Variants in SNAI3 observed in about 807,000 individuals in gnomAD.
SNAI3 encodes zinc finger protein SNAI3.
Under a neutral mutation model 16.4 loss-of-function variants are expected in SNAI3, and 21 were observed. The ratio of observed to expected loss-of-function variants is 1.28; its 90% CI spans 0.91 to 1.85. SNAI3 has a LOEUF of 1.85. Among genes scored for constraint, SNAI3 ranks in the 40% most tolerant of loss-of-function variants. The probability of loss-of-function intolerance (pLI) is 0.00; values close to 1 mark genes in which losing one functional copy is unlikely to be tolerated. For missense variants in SNAI3, 457 were observed against 372.8 expected (o/e 1.23, Z -1.86); for synonymous variants, 202 against 166.6 (o/e 1.21, Z -1.64).
chr16:88,682,804 C>T (rs1271115856), intron 1 of SNAI3, among the ~76,000 whole-genome samples: 2 of 74,790 alleles, frequency 2.7e-5, no homozygotes, highest in Non-Finnish European at 5.6e-5. Flanking sequence ...GAGACGGAGT[C>T]TCGCTCTGTT....
At position 88,681,623 on chromosome 16, in the gene SNAI3, G is replaced by A. The variant is rs755346556; in HGVS notation, c.168C>T (p.Pro56=). 1 of 1,485,222 alleles carries A rather than the reference G, an allele frequency of 6.7e-7. No homozygotes were observed. The allele number at this position is 1,485,222 out of a possible 1,614,324, so 92.0% of individuals were successfully genotyped here. Residue 56 remains proline, a synonymous_variant, in exon 2 of 3, where the codon CCC becomes CCT. Transcript: ENST00000332281. This position sits in a 1 kb window ranked among gnomAD's most constrained non-coding sequence, Gnocchi z 5.4. ...KEAPSVPGDL[P]QPWDRSSAVA... is the part of the protein sequence containing the mutation. ...CGGCCGAGGAGCGGTCCCAGGGCTG[G>A]GGAAGGTCACCGGGCACAGAAGGGG...
rs867872626 is a variant in SNAI3 at position 88,681,013 on chromosome 16, C to T, written c.697+81G>A. The T allele has an allele frequency of 3.8e-5, 58 of 1,531,788 alleles. No homozygotes were observed. In the Middle Eastern group the frequency reaches 7.3e-4, roughly 19 times the overall value. 94.9% of individuals were successfully genotyped at this position (1,531,788 alleles called of 1,614,324 possible). A position where few individuals can be genotyped will look rare whatever the true frequency, so the allele number is the denominator to read the frequency against. ...GCCCATGCTATTGTTTATAAAATCA[C>T]CCCTCCTCCTTTTCTAACTCCCGCA... is the stretch of plus-strand genomic sequence containing the variant. On this transcript the variant is annotated intron_variant, in intron 2 of 2. Transcript: ENST00000332281. This position sits in a 1 kb window ranked among gnomAD's most constrained non-coding sequence, Gnocchi z 5.4.
In SNAI3 at chr16:88,686,487, C is replaced by T. The variant is rs548220666; in HGVS notation, c.-81G>A. On this transcript the variant is annotated 5_prime_UTR_variant, in exon 1 of 3. Transcript: ENST00000332281. ...GTCCGGACTGCTGCGTCCGCCGGCG[C>T]TTGAAGGGGTCAGGCTCATTAGCAT... is the stretch of plus-strand genomic sequence containing the variant. The T allele has an allele frequency of 1.9e-6, 3 of 1,560,470 alleles. No homozygotes were observed. The highest frequency in any genetic ancestry group is 1.4e-5 in the African/African-American group (1 of 73,464).
chr16:88,683,692 G>T (rs543222637), intron 1 of SNAI3, among the ~76,000 whole-genome samples: 23 of 152,070 alleles, frequency 1.5e-4, no homozygotes, highest in African/African-American at 5.3e-4. Context: ...TGATAGCTGG[G>T]ATTACAGACA....
rs147688628 is a variant in SNAI3 at position 88,678,485 on chromosome 16, G to A, written c.842C>T (p.Ala281Val). ...TKTFSRMSLL[A>V]RHEESGCCPG... ...GCAGCAGCCAGACTCCTCATGCCGC[G>A]CCAGGAGGGACATGCGGGAGAAGGT... is the stretch of plus-strand genomic sequence containing the variant. Residue 281 changes from alanine (A) to valine (V), a missense_variant, in exon 3 of 3, where the codon GCG (alanine) becomes GTG (valine). Transcript: ENST00000332281. 33 of 779,600 alleles carry A rather than the reference G, an allele frequency of 4.2e-5. 1 individual carries two copies. The highest frequency in any genetic ancestry group is 3.6e-4 in the South Asian group (27 of 74,658). 48.3% of individuals were successfully genotyped at this position (779,600 alleles called of 1,614,324 possible).
At position 88,678,181 on chromosome 16, in the gene SNAI3, AC is replaced by A; in HGVS notation, c.*266del. The A allele has an allele frequency of 2.5e-6, 1 of 392,462 alleles. No homozygotes were observed. The highest frequency in any genetic ancestry group is 4.6e-6 in the Non-Finnish European group (1 of 217,064). 24.3% of individuals were successfully genotyped at this position (392,462 alleles called of 1,614,324 possible). ...GGAGACCTGGCCGTGTCGAAATGGA[AC>A]CATGGCTCTTGTTCTGATGAAAGCC... On this transcript the variant is annotated 3_prime_UTR_variant, in exon 3 of 3. Transcript: ENST00000332281.
chr16:88,679,775 A>AAAAAAAAAAAAAAAAAAAAAG (rs1555545688), intron 2 of SNAI3, among the ~76,000 whole-genome samples: 3 of 106,570 alleles, frequency 2.8e-5, no homozygotes, highest in Non-Finnish European at 5.5e-5. Flanking sequence ...AAAAAAAAAA[A>AAAAAAAAAAAAAAAAAAAAAG]AAAAAAAGAA....
At chr16:88,682,625 C>T in intron 1 of SNAI3, among the ~76,000 whole-genome samples, 1 of 152,150 alleles carries the variant, frequency 6.6e-6, no homozygotes, top group Non-Finnish European at 1.5e-5. Context: ...TAGAGACAGA[C>T]AACCCATAGA....
intron 1 of SNAI3, among the ~76,000 whole-genome samples, chr16:88,683,916 A>G (rs1909267895): frequency 6.6e-6 from 1 of 152,218 alleles, no homozygotes; most frequent in Non-Finnish European, 1.5e-5. Context: ...CAATGAACAC[A>G]TGCAAAGATG....
chr16:88,681,485 A>G lies in SNAI3; in HGVS notation c.306T>C (p.Ile102=), dbSNP rs761857855. The change falls in exon 2 of 3, where the codon ATT becomes ATC. Residue 102 remains isoleucine (I), a synonymous_variant. Coordinates refer to ENST00000332281, the MANE Select transcript of SNAI3 (RefSeq NM_178310.4). This position sits in a 1 kb window ranked among gnomAD's most constrained non-coding sequence, Gnocchi z 5.4. ...GGTTCAGGCTGTCTTTGAGGGGTACAATGGCGGCCCGGCTGGCCCGAGGGT... is the reference window on the plus strand; with the variant it reads ...GGTTCAGGCTGTCTTTGAGGGGTACGATGGCGGCCCGGCTGGCCCGAGGGT... ...EVDPRASRAA[I]VPLKDSLNHL... The G allele has an allele frequency of 7.7e-6, 12 of 1,565,656 alleles. No individual in the cohort carries two copies. The highest frequency in any genetic ancestry group is 8.7e-7 in the Non-Finnish European group (1 of 1,149,808).
chr16:88,678,656 A>G (rs1293492850), intron 2 of SNAI3, 27 bp from the exon 3 acceptor site: 3 of 1,510,070 alleles, frequency 2.0e-6, no homozygotes, highest in Admixed American at 1.7e-5. Flanking sequence ...GCGGCCAGTG[A>G]CACCATGGAA....
intron 1 of SNAI3, among the ~76,000 whole-genome samples, chr16:88,684,743 G>T (rs1909298019): frequency 1.3e-5 from 2 of 152,130 alleles, no homozygotes; most frequent in South Asian, 4.1e-4. Context: ...TGCCGTCCTC[G>T]ACCTCCCAAA....
intron 1 of SNAI3, 85 bp downstream of exon 1, chr16:88,686,246 A>C: frequency 6.7e-7 from 1 of 1,498,158 alleles, no homozygotes. Flanking sequence ...GTGTCTCCCC[A>C]GCCCCCGCTC....
In SNAI3 at chr16:88,681,118, G is replaced by C; in HGVS notation, c.673C>G (p.Gln225Glu). 6.2e-7 allele frequency: 1 copy of C among 1,613,166 alleles called. No homozygotes were observed. ...GKAFSRPWLL[Q>E]GHVRTHTGEK... The stretch of plus-strand genomic sequence containing the variant: ...CCTGTGTGGGTGCGGACATGGCCCT[G>C]CAGTAACCAGGGCCTGGAGAAGGCC... Residue 225 changes from glutamine (Q) to glutamate (E), a missense_variant, in exon 2 of 3, where the codon CAG becomes GAG. Physicochemically the swap from Gln to Glu is conservative, Grantham distance 29. Coordinates refer to ENST00000332281, the MANE Select transcript of SNAI3 (RefSeq NM_178310.4). The surrounding 1 kb of genome is among the most constrained non-coding windows in gnomAD (Gnocchi z 5.4).
intron 1 of SNAI3, among the ~76,000 whole-genome samples, chr16:88,683,954 G>A (rs1478940658): frequency 1.3e-5 from 2 of 152,170 alleles, no homozygotes; most frequent in South Asian, 2.1e-4. Context: ...AGCCCAAATC[G>A]CAATCACAAT....
intron 2 of SNAI3, among the ~76,000 whole-genome samples, chr16:88,679,322 G>A (rs1010294115): frequency 4.6e-5 from 7 of 152,178 alleles, no homozygotes; most frequent in African/African-American, 1.2e-4. Context: ...GGGGGGTGTC[G>A]TCATCAAAGA....
Position 88,679,950 on chromosome 16 carries a change from G to A in SNAI3, c.697+1144C>T, listed in dbSNP as rs571320599. Among the ~76,000 whole-genome samples, 27 of 151,270 alleles carry A rather than the reference G, an allele frequency of 1.8e-4. No individual in the cohort carries two copies. The South Asian group carries it at 5.7e-3, about 32-fold the overall frequency. ...TTAAAAATTGGCTGGGCATGGTGAT[G>A]CATGTCTGTGGACCCAGCTACTCAG... On this transcript the variant is annotated intron_variant, in intron 2 of 2. Transcript: ENST00000332281.
intron 1 of SNAI3, among the ~76,000 whole-genome samples, chr16:88,684,777 C>T (rs538773820): frequency 2.0e-5 from 3 of 152,344 alleles, no homozygotes; most frequent in East Asian, 1.9e-4. Flanking sequence ...AGGCATGAGC[C>T]GCCACACCCA....
Position 88,681,005 on chromosome 16 carries a change from TA to T in SNAI3, c.697+88del. The T allele has an allele frequency of 1.3e-6, 2 of 1,517,718 alleles. No individual in the cohort carries two copies. Among genetic ancestry groups the T allele is most frequent in the Non-Finnish European group, 1.8e-6 (2 of 1,124,568 alleles). 94.0% of individuals were successfully genotyped at this position (1,517,718 alleles called of 1,614,324 possible). Reference sequence around the variant, plus strand: ...ATGTGAATGCCCATGCTATTGTTTATAAAATCACCCCTCCTCCTTTTCTAAC... The same window carrying T: ...ATGTGAATGCCCATGCTATTGTTTATAAATCACCCCTCCTCCTTTTCTAAC... On this transcript the variant is annotated intron_variant, in intron 2 of 2. Transcript: ENST00000332281. The surrounding 1 kb of genome is among the most constrained non-coding windows in gnomAD (Gnocchi z 5.4).
Sources: gnomAD v4.1 joint callset for allele counts (sites outside exome capture counted in the v4.1 genomes callset) on GRCh38, gnomAD v4.1.1 for gene constraint, Gnocchi (gnomAD v3.1) non-coding constraint, MANE v1.5 for transcripts, NCBI Gene and HGNC (gene_info 2026-07-23, HGNC 2026-07-21) for gene names.